The following AMN variants were observed in gnomAD, a reference collection of about 807,000 sequenced individuals.
AMN encodes amnion associated transmembrane protein, also known as protein amnionless.
Under a neutral mutation model 49.1 loss-of-function variants are expected in AMN, and 40 were observed. That is an observed-to-expected ratio of 0.81 (90% CI 0.63 to 1.06). The LOEUF (loss-of-function observed/expected upper bound fraction) is 1.06, where lower values mean the gene tolerates loss of function less well. Ranked by LOEUF, AMN falls within the 50% of genes least tolerant of loss-of-function variation. AMN has a pLI of 0.00. For missense variants in AMN, 701 were observed against 662.8 expected, an observed-to-expected ratio of 1.06 and a Z score of -0.63; for synonymous variants, 380 against 313.3, an observed-to-expected ratio of 1.21 and a Z score of -2.25.
intron 10 of AMN, 39 bp from the exon 11 acceptor site, chr14:102,930,367 C>T (rs1417967151): frequency 1.4e-6 from 2 of 1,478,318 alleles, no homozygotes; most frequent in Non-Finnish European, 1.8e-6. Context: ...CTGGGGGTTG[C>T]TCCGAGGGGC....
In AMN at chr14:102,929,674, C is replaced by T. The variant is rs763110632; in HGVS notation, c.780C>T (p.Thr260=). ...CDLCGAVVLL[T]HGPAFDLERY... is the part of the protein sequence containing the mutation. ...CCGCAGGAGCCGTTGTGTTGCTGAC[C>T]CACGGCCCCGCATTTGACCTGGAGC... Residue 260 remains threonine, a synonymous_variant, in exon 8 of 12, where the codon ACC becomes ACT. Transcript: ENST00000299155. 1.9e-6 allele frequency: 3 copies of T among 1,550,066 alleles called. No homozygotes were observed. Among genetic ancestry groups the T allele is most frequent in the South Asian group, 2.4e-5 (2 of 84,046 alleles).
At chr14:102,924,092 A>C (rs1157150674) in intron 3 of AMN, 113 bp downstream of exon 3, 1 of 1,475,878 alleles carries the variant, frequency 6.8e-7, no homozygotes, top group Non-Finnish European at 9.4e-7. Context: ...GCACTGCAGG[A>C]CTGGGACTTT....
At position 102,928,932 on chromosome 14, in the gene AMN, G is replaced by C; in HGVS notation, c.470G>C (p.Gly157Ala). The C allele has an allele frequency of 6.2e-7, 1 of 1,601,074 alleles. No individual in the cohort carries two copies. Among genetic ancestry groups the C allele is most frequent in the Non-Finnish European group, 8.5e-7 (1 of 1,179,702 alleles). Reference sequence around the variant, plus strand: ...TCCTTCCGCGTGGGGCTCGGCCCTGGCGCTAGCCCCGTGCGTGTCCGCAGC... The same window carrying C: ...TCCTTCCGCGTGGGGCTCGGCCCTGCCGCTAGCCCCGTGCGTGTCCGCAGC... ...SASFRVGLGP[G>A]ASPVRVRSIS... Residue 157 changes from glycine to alanine, a missense_variant, in exon 5 of 12, where the codon GGC becomes GCC. Transcript: ENST00000299155.
intron 3 of AMN, among the ~76,000 whole-genome samples, chr14:102,928,001 A>T (rs1218795674): frequency 5.3e-5 from 8 of 152,052 alleles, no homozygotes; most frequent in Admixed American, 2.6e-4. Context: ...CAGACTCCCC[A>T]GGAGCCGGGC....
chr14:102,924,123 G>A, intron 3 of AMN, 144 bp downstream of exon 3: 1 of 1,222,552 alleles, frequency 8.2e-7, no homozygotes, highest in African/African-American at 1.5e-5. Context: ...GAATATTCTA[G>A]GAGGCAGGGA....
At chr14:102,924,065 AC>A in intron 3 of AMN, 86 bp downstream of exon 3, 1 of 1,583,292 alleles carries the variant, frequency 6.3e-7, no homozygotes, top group Non-Finnish European at 8.7e-7. Context: ...TTGAGGGCGG[AC>A]CCCACCGGCA....
chr14:102,926,598 T>C (rs78123005), intron 3 of AMN, among the ~76,000 whole-genome samples: 1,427 of 128,830 alleles, frequency 0.011, 18 homozygotes, highest in Non-Finnish European at 0.014. Flanking sequence ...TTTTTTTTTT[T>C]TTTTTTGAGA....
intron 3 of AMN, among the ~76,000 whole-genome samples, chr14:102,924,325 C>A (rs923979246): frequency 7.0e-6 from 1 of 142,366 alleles, no homozygotes; most frequent in African/African-American, 2.7e-5. Flanking sequence ...ATCTTTAGAA[C>A]ACTAGGGAAA....
chr14:102,929,760 T>A (rs936786504), intron 8 of AMN, 23 bp downstream of exon 8: 12 of 1,548,474 alleles, frequency 7.7e-6, no homozygotes, highest in Non-Finnish European at 7.9e-6. Flanking sequence ...CGCGGGCAGC[T>A]GAGGGGAGTC....
Position 102,928,836 on chromosome 14 carries a change from C to G in AMN, c.374C>G (p.Pro125Arg), listed in dbSNP as rs1434999009. 4 of 1,606,320 alleles carry G rather than the reference C, an allele frequency of 2.5e-6. No homozygotes were observed. Among genetic ancestry groups the G allele is most frequent in the Non-Finnish European group, 3.4e-6 (4 of 1,179,856 alleles). ...PHLWRSGDEA[P>R]GLFFVDAERV... ...CTGTGGCGCTCTGGGGACGAGGCAC[C>G]TGGCCTCTTCTTCGTGGACGCCGAG... The change falls in exon 5 of 12, where the codon CCT (proline) becomes CGT (arginine). Residue 125 changes from proline to arginine, a missense_variant. Pro to Arg is a moderately radical substitution (Grantham distance 103, BLOSUM62 -2). Transcript: ENST00000299155.
Position 102,930,642 on chromosome 14 carries a change from G to A in AMN, c.1324G>A (p.Val442Ile), listed in dbSNP as rs760175392. Residue 442 changes from valine (V) to isoleucine (I), a missense_variant, in exon 12 of 12, where the codon GTC (valine) becomes ATC (isoleucine). Val to Ile is a conservative substitution (Grantham distance 29, BLOSUM62 3). Coordinates refer to ENST00000299155, the MANE Select transcript of AMN (RefSeq NM_030943.4). ...AADSTSHSYFVNPLFAGAEAE... is the reference protein window; with the variant it reads ...AADSTSHSYFINPLFAGAEAE... ...AGACAGCACCAGCCACAGTTACTTC[G>A]TCAACCCTCTGTTCGCCGGGGCCGA... 36 of 1,601,204 alleles carry A rather than the reference G, an allele frequency of 2.2e-5. No individual in the cohort carries two copies. The Middle Eastern group carries it at 6.8e-4, about 30-fold the overall frequency.
Position 102,930,342 on chromosome 14 carries a change from G to A in AMN, c.1169+15G>A. On this transcript the variant is annotated intron_variant, in intron 10 of 11. Coordinates refer to ENST00000299155, the MANE Select transcript of AMN (RefSeq NM_030943.4). ...GGGAGGCTCAGGTACGCGGGGCGGG[G>A]GCGCGGAGGTGGGGCTGGGGGTTGC... 1 of 1,411,696 alleles carries A rather than the reference G, an allele frequency of 7.1e-7. No individual in the cohort carries two copies. 87.4% of individuals were successfully genotyped at this position (1,411,696 alleles called of 1,614,324 possible).
In AMN at chr14:102,930,161, G is replaced by T; in HGVS notation, c.1007-4G>T. On this transcript the variant is annotated splice_region_variant and splice_polypyrimidine_tract_variant and intron_variant, in intron 9 of 11. Coordinates refer to ENST00000299155, the MANE Select transcript of AMN (RefSeq NM_030943.4). ...GGAAGACTGAGCCGGCCCCTCCGTC[G>T]CAGGCGAGGCCCTCGGCGTCCTGGA... 6.7e-7 allele frequency: 1 copy of T among 1,489,828 alleles called. No homozygotes were observed. 92.3% of individuals were successfully genotyped at this position (1,489,828 alleles called of 1,614,324 possible). A position where few individuals can be genotyped will look rare whatever the true frequency, so the allele number is the denominator to read the frequency against.
chr14:102,923,406 T>C (rs1891106865), intron 1 of AMN: 1 of 432,450 alleles, frequency 2.3e-6, no homozygotes. Flanking sequence ...TTAACAACGC[T>C]GTCCTCTGCT....
intron 6 of AMN, 65 bp from the exon 7 acceptor site, chr14:102,929,348 CGGCTTGCTTCTCGGA>C: frequency 6.7e-7 from 1 of 1,503,010 alleles, no homozygotes; most frequent in Non-Finnish European, 8.8e-7. Flanking sequence ...GGTCTCTCGC[CGGCTTGCTTCTCGGA>C]GGCATCGCCC....
intron 3 of AMN, among the ~76,000 whole-genome samples, chr14:102,925,270 G>T (rs1891160080): frequency 6.6e-6 from 1 of 152,250 alleles, no homozygotes; most frequent in Non-Finnish European, 1.5e-5. Context: ...CGGGTGGGGA[G>T]GATGGCTCAA....
In AMN at chr14:102,922,743, C is replaced by T; in HGVS notation, c.43+12C>T. On this transcript the variant is annotated intron_variant, in intron 1 of 11. Coordinates refer to ENST00000299155, the MANE Select transcript of AMN (RefSeq NM_030943.4). ...GCTGCAGCTCTGCGGTGAGCCGGGA[C>T]CACACCGGTGCGGGCCCGGACGGTA... The T allele has an allele frequency of 6.3e-7, 1 of 1,581,242 alleles. No individual in the cohort carries two copies.
intron 3 of AMN, among the ~76,000 whole-genome samples, chr14:102,925,827 C>T (rs1018867071): frequency 5.9e-5 from 9 of 152,150 alleles, no homozygotes; most frequent in African/African-American, 1.7e-4. Context: ...CACCCAGAGC[C>T]GCCCAAGCAC....
intron 3 of AMN, among the ~76,000 whole-genome samples, chr14:102,927,835 C>G (rs1419273738): frequency 6.6e-6 from 1 of 152,190 alleles, no homozygotes; most frequent in Non-Finnish European, 1.5e-5. Flanking sequence ...GCTGTGGCCC[C>G]ACTTCTGTGG....
Sources: allele counts gnomAD v4.1 joint callset (sites outside exome capture counted in the v4.1 genomes callset), GRCh38; gene constraint gnomAD v4.1.1; transcripts MANE v1.5; gene names NCBI Gene and HGNC (gene_info 2026-07-23, HGNC 2026-07-21).